Variants in NECAB2 observed in about 807,000 individuals in gnomAD.
NECAB2 encodes the protein N-terminal EF-hand calcium-binding protein 2.
NECAB2 carries 68 observed loss-of-function variants against 51.9 expected under a neutral mutation model. That is an observed-to-expected ratio of 1.31 (90% CI 1.08 to 1.60). The LOEUF is 1.60. Ranked by LOEUF, NECAB2 falls within the 40% of genes most tolerant of loss-of-function variation. The pLI is 0.00. For synonymous variants in NECAB2, 329 were observed against 203.5 expected, an observed-to-expected ratio of 1.62 and a Z score of -5.25; for missense variants, 854 against 490.3, an observed-to-expected ratio of 1.74 and a Z score of -7.00.
At chr16:83,995,858 C>A (rs932380566) in intron 8 of NECAB2, among the ~76,000 whole-genome samples, 3 of 152,288 alleles carry the variant, frequency 2.0e-5, no homozygotes, top group East Asian at 1.9e-4. Flanking sequence ...GCTGCGGGAG[C>A]GGCTCGGAGG....
intron 11 of NECAB2, among the ~76,000 whole-genome samples, 178 bp from the exon 12 acceptor site, chr16:84,001,647 A>AC (rs2084838272): frequency 6.6e-6 from 1 of 151,992 alleles, no homozygotes; most frequent in South Asian, 2.1e-4. Flanking sequence ...CTCACTGCCC[A>AC]CCCCAGAGTC....
chr16:83,975,625 G>T (rs1214213985), intron 2 of NECAB2, among the ~76,000 whole-genome samples: 5 of 152,128 alleles, frequency 3.3e-5, no homozygotes, highest in Non-Finnish European at 7.4e-5. Context: ...GATACCGGAT[G>T]CCCAGTCCCT....
At chr16:83,998,016 GGGCTCTTGA>G (rs771528269) in intron 9 of NECAB2, among the ~76,000 whole-genome samples, 180 bp from the exon 10 acceptor site, 4 of 152,028 alleles carry the variant, frequency 2.6e-5, no homozygotes, top group Non-Finnish European at 4.4e-5. Context: ...CTTCTGCACT[GGGCTCTTGA>G]GGTTCTAGTC....
chr16:84,002,429 T>A lies in NECAB2; in HGVS notation c.*83T>A. On this transcript the variant is annotated 3_prime_UTR_variant, in exon 13 of 13. Coordinates refer to ENST00000305202, the MANE Select transcript of NECAB2 (RefSeq NM_019065.3). ...CCCGTTTTTTTCTAGACAGACACTT[T>A]GGTGCAGAAGCTTCTTTTCAATCCA... The A allele has an allele frequency of 6.6e-7, 1 of 1,513,120 alleles. No individual in the cohort carries two copies. The highest frequency in any genetic ancestry group is 1.4e-5 in the African/African-American group (1 of 72,400). 93.7% of individuals were successfully genotyped at this position (1,513,120 alleles called of 1,614,324 possible). A position where few individuals can be genotyped will look rare whatever the true frequency, so the allele number is the denominator to read the frequency against.
upstream of NECAB2, among the ~76,000 whole-genome samples, chr16:83,967,521 A>T: frequency 1.3e-5 from 1 of 74,736 alleles, no homozygotes. Context: ...GGGAGGATGG[A>T]TGGATGGATG....
intron 10 of NECAB2, among the ~76,000 whole-genome samples, chr16:83,999,485 G>C (rs926943864): frequency 7.9e-5 from 12 of 152,140 alleles, no homozygotes; most frequent in African/African-American, 2.9e-4. Flanking sequence ...TACTTCCCAG[G>C]CATGGTGCAC....
In NECAB2 at chr16:83,978,337, G is replaced by T. The variant is rs1750847517; in HGVS notation, c.227-107G>T. ...GGTAGGGATTATCTGAGCTGCAGTT[G>T]TTCTGTCAGTCAGGCCATTGACTGG... On this transcript the variant is annotated intron_variant, in intron 2 of 12. Transcript: ENST00000305202. The T allele has an allele frequency of 3.7e-6, 3 of 801,742 alleles. No homozygotes were observed. In the Admixed American group the frequency reaches 6.7e-5, roughly 18 times the overall value. The allele number at this position is 801,742 out of a possible 1,614,324, so 49.7% of individuals were successfully genotyped here. A position where few individuals can be genotyped will look rare whatever the true frequency, so the allele number is the denominator to read the frequency against.
At chr16:83,986,569 G>A (rs2084558967) in intron 5 of NECAB2, among the ~76,000 whole-genome samples, 1 of 152,146 alleles carries the variant, frequency 6.6e-6, no homozygotes, top group African/African-American at 2.4e-5. Context: ...CTGGAGTACA[G>A]TGGCACAGTC....
At chr16:83,987,669 G>A (rs922845868) in intron 5 of NECAB2, among the ~76,000 whole-genome samples, 1 of 152,012 alleles carries the variant, frequency 6.6e-6, no homozygotes, top group African/African-American at 2.4e-5. Context: ...ATATTTTAGT[G>A]TACTTATTTT....
chr16:84,000,341 G>A (rs189316587), intron 10 of NECAB2, among the ~76,000 whole-genome samples: 1 of 133,210 alleles, frequency 7.5e-6, no homozygotes, highest in Admixed American at 6.7e-5. Flanking sequence ...ACCAGCATGG[G>A]GAACATAGCA....
At chr16:83,994,552 C>A (rs978927016) in intron 7 of NECAB2, 57 bp from the exon 8 acceptor site, 4 of 1,608,176 alleles carry the variant, frequency 2.5e-6, no homozygotes, top group African/African-American at 2.7e-5. Flanking sequence ...CCAGCTTCCC[C>A]CCGAAGCCCT....
At chr16:83,993,624 G>C (rs1052962693) in intron 6 of NECAB2, 5 of 76,412 alleles carry the variant, frequency 6.5e-5, no homozygotes, top group East Asian at 2.7e-4. Context: ...GGTGAGCTGT[G>C]TGTGTGTGTG....
At chr16:83,971,257 G>A (rs2084343985) in intron 1 of NECAB2, among the ~76,000 whole-genome samples, 1 of 152,180 alleles carries the variant, frequency 6.6e-6, no homozygotes, top group Non-Finnish European at 1.5e-5. Flanking sequence ...TAGCGCACAG[G>A]TGTCAACATT....
At chr16:83,982,873 C>CT (rs1198509096) in intron 5 of NECAB2, among the ~76,000 whole-genome samples, 3 of 150,126 alleles carry the variant, frequency 2.0e-5, no homozygotes, top group East Asian at 1.9e-4. Flanking sequence ...TTTTCTTTTT[C>CT]TTTTTCTTTT....
chr16:83,992,771 C>T (rs919336216), intron 6 of NECAB2, among the ~76,000 whole-genome samples: 3 of 152,166 alleles, frequency 2.0e-5, no homozygotes, highest in Non-Finnish European at 4.4e-5. Flanking sequence ...GGCTAGAATC[C>T]CTGGACTGGA....
chr16:83,991,452 C>T (rs1246845289), intron 6 of NECAB2, among the ~76,000 whole-genome samples: 8 of 150,182 alleles, frequency 5.3e-5, no homozygotes, highest in African/African-American at 9.9e-5. Flanking sequence ...CTGCAACGTC[C>T]GCCTCCCAGG....
At chr16:83,978,379 T>C (rs1418511796) in intron 2 of NECAB2, 65 bp from the exon 3 acceptor site, 2 of 1,335,786 alleles carry the variant, frequency 1.5e-6, no homozygotes, top group Non-Finnish European at 2.1e-6. Flanking sequence ...GGGCCGTGCA[T>C]GCACTAGCCC....
At chr16:83,998,469 C>T (rs1053567649) in intron 10 of NECAB2, 152 bp downstream of exon 10, 2 of 703,826 alleles carry the variant, frequency 2.8e-6, no homozygotes, top group South Asian at 1.9e-5. Flanking sequence ...GTTCAGGTCT[C>T]TACTGAGGTT....
chr16:83,980,943 C>G, intron 4 of NECAB2, 79 bp downstream of exon 4: 2 of 1,607,900 alleles, frequency 1.2e-6, no homozygotes, highest in Non-Finnish European at 1.7e-6. Context: ...GCAGGGGAGG[C>G]TGGAGGTAGC....
Sources: allele counts gnomAD v4.1 joint callset (sites outside exome capture counted in the v4.1 genomes callset), GRCh38; gene constraint gnomAD v4.1.1; transcripts MANE v1.5; gene names NCBI Gene and HGNC (gene_info 2026-07-23, HGNC 2026-07-21).